Variants in PIGN observed in about 807,000 individuals in gnomAD.
The protein encoded by PIGN is GPI ethanolamine phosphate transferase 1.
PIGN carries 117 observed loss-of-function variants against 125.4 expected under a neutral mutation model. That is an observed-to-expected ratio of 0.93 (90% CI 0.80 to 1.09). PIGN has a LOEUF of 1.09. PIGN is among the 50% of genes least tolerant of loss of function. The pLI, the probability that PIGN is intolerant of heterozygous loss-of-function variation, is 0.00. For missense variants in PIGN, 1,075 were observed against 1,094.9 expected, an observed-to-expected ratio of 0.98 and a Z score of 0.26; for synonymous variants, 392 against 377.8, an observed-to-expected ratio of 1.04 and a Z score of -0.44.
Position 62,139,072 on chromosome 18 carries a change from T to C in PIGN, c.1027A>G (p.Ile343Val), listed in dbSNP as rs867584604. Residue 343 changes from isoleucine (I) to valine (V), a missense_variant, in exon 13 of 31, where the codon ATC (isoleucine) becomes GTC (valine). By Grantham distance (29) the Ile-to-Val change is conservative. Around this residue, in one of 3 missense-constraint regions of PIGN, gnomAD observed 915 missense variants for 908.7 expected, o/e 1.01. Coordinates refer to ENST00000640252, the MANE Select transcript of PIGN (RefSeq NM_176787.5). ...TTGTTAAGATAATCCACAGGAAGGA[T>C]TCCCTGAAAATAACAAACACCAGCT... ...GVPFPLNSVG[I>V]LPVDYLNNTD... is the part of the protein sequence containing the mutation. 7 of 1,590,472 alleles carry C rather than the reference T, an allele frequency of 4.4e-6. No individual in the cohort carries two copies. The highest frequency in any genetic ancestry group is 1.7e-4 in the Middle Eastern group (1 of 5,818).
intron 2 of PIGN, chr18:62,162,641 A>T (rs957213976): frequency 4.6e-5 from 7 of 152,180 alleles, no homozygotes; most frequent in Non-Finnish European, 1.0e-4. Flanking sequence ...GGTCAACTAA[A>T]TATCAAAGAT....
At chr18:62,032,948 GT>G (rs1298837002) in intron 23 of PIGN, among the ~76,000 whole-genome samples, 3 of 152,210 alleles carry the variant, frequency 2.0e-5, no homozygotes, top group Non-Finnish European at 1.5e-5. Context: ...TCAATTAAAG[GT>G]TTTGGTCACA....
At chr18:62,129,075 C>T (rs556544317) in intron 14 of PIGN, among the ~76,000 whole-genome samples, 4 of 152,250 alleles carry the variant, frequency 2.6e-5, no homozygotes, top group South Asian at 2.1e-4. Context: ...CAATTCCTTA[C>T]TCCCTTCTCT....
intron 14 of PIGN, among the ~76,000 whole-genome samples, chr18:62,133,664 T>C (rs1482000657): frequency 1.3e-5 from 2 of 152,210 alleles, no homozygotes; most frequent in African/African-American, 4.8e-5. Context: ...TTCTTTACAA[T>C]ATACATTTCT....
chr18:62,090,944 A>AC (rs2033926315), intron 23 of PIGN, among the ~76,000 whole-genome samples: 1 of 152,194 alleles, frequency 6.6e-6, no homozygotes, highest in South Asian at 2.1e-4. Context: ...AACACTCTAA[A>AC]TTTTCAAAAA....
In PIGN at chr18:62,153,231, T is replaced by C. The variant is rs1241192129; in HGVS notation, c.549+1314A>G. 2.6e-5 allele frequency among the ~76,000 whole-genome samples: 4 copies of C among 152,208 alleles called. No homozygotes were observed. In the East Asian group the frequency reaches 7.7e-4, roughly 29 times the overall value. On this transcript the variant is annotated intron_variant, in intron 7 of 30. Coordinates refer to ENST00000640252, the MANE Select transcript of PIGN (RefSeq NM_176787.5). ...CTTCCCCTAACTACCCAGCACAGAT[T>C]AGAATTTTCTGAAGATATATTCTTG...
chr18:62,111,445 G>A (rs1393947458), intron 16 of PIGN, among the ~76,000 whole-genome samples: 2 of 150,990 alleles, frequency 1.3e-5, no homozygotes, highest in East Asian at 1.9e-4. Context: ...TCCTGTTATC[G>A]TCACCCTAAA....
rs76610589 is a variant in PIGN at position 62,098,315 on chromosome 18, T to C, written c.2078-2365A>G. ...AGTAGCTTCTGACTTTTTTTCCAGA[T>C]GTGTAGCTCCAATCATAATAAACTG... On this transcript the variant is annotated intron_variant, in intron 22 of 30. Transcript: ENST00000640252. 9.6e-3 allele frequency among the ~76,000 whole-genome samples: 1,467 copies of C among 152,308 alleles called. 46 individuals carry two copies. The highest frequency in any genetic ancestry group is 0.069 in the East Asian group (357 of 5,182).
chr18:62,096,573 C>T (rs2034209751), intron 22 of PIGN, among the ~76,000 whole-genome samples: 1 of 95,036 alleles, frequency 1.1e-5, no homozygotes, highest in Non-Finnish European at 1.8e-5. Context: ...GGTACATGTG[C>T]ACATTGTGCA....
chr18:62,098,562 C>G (rs1407154290), intron 22 of PIGN, among the ~76,000 whole-genome samples: 1 of 152,156 alleles, frequency 6.6e-6, no homozygotes, highest in Non-Finnish European at 1.5e-5. Flanking sequence ...ATAAGAGTCT[C>G]TATTCTAAAT....
chr18:62,132,550 T>C (rs1372992509), intron 14 of PIGN, among the ~76,000 whole-genome samples: 3 of 152,184 alleles, frequency 2.0e-5, no homozygotes, highest in Non-Finnish European at 2.9e-5. Flanking sequence ...AATTAATAAA[T>C]TCTGATTACA....
chr18:62,021,843 C>CT (rs2030057996), intron 23 of PIGN, among the ~76,000 whole-genome samples: 1 of 152,184 alleles, frequency 6.6e-6, no homozygotes, highest in Admixed American at 6.5e-5. Flanking sequence ...AAATCAGGGT[C>CT]TCGGCTGAGC....
chr18:62,039,079 T>C (rs939652737), downstream of PIGN, among the ~76,000 whole-genome samples: 1 of 151,642 alleles, frequency 6.6e-6, no homozygotes, highest in Non-Finnish European at 1.5e-5. Flanking sequence ...TAGGGAGAAA[T>C]AACGAAAACA....
At chr18:62,165,168 A>C (rs988585807) in intron 1 of PIGN, among the ~76,000 whole-genome samples, 1 of 152,154 alleles carries the variant, frequency 6.6e-6, no homozygotes, top group Non-Finnish European at 1.5e-5. Context: ...CTTCTCAGGA[A>C]TGGGTTGTTG....
chr18:62,166,131 T>C (rs150854706), intron 1 of PIGN, among the ~76,000 whole-genome samples: 10 of 152,184 alleles, frequency 6.6e-5, no homozygotes, highest in Non-Finnish European at 4.4e-5. Flanking sequence ...GGGGATGGAA[T>C]GGAGAGCACA....
intron 12 of PIGN, 42 bp downstream of exon 12, chr18:62,140,378 T>C: frequency 1.1e-6 from 1 of 928,166 alleles, no homozygotes; most frequent in Non-Finnish European, 1.7e-6. Context: ...TGCGATAGTT[T>C]TTTTTTATAC....
At chr18:62,093,443 T>C (rs1331826227) in intron 23 of PIGN, among the ~76,000 whole-genome samples, 1 of 152,040 alleles carries the variant, frequency 6.6e-6, no homozygotes, top group Admixed American at 6.5e-5. Context: ...AATGAAAACT[T>C]ACTAAATTAG....
chr18:62,109,744 T>C lies in PIGN; in HGVS notation c.1574+90A>G, dbSNP rs1484366540. The C allele has an allele frequency of 4.6e-6, 5 of 1,083,340 alleles. No homozygotes were observed. In the African/African-American group the frequency reaches 7.9e-5, roughly 17 times the overall value. The allele number at this position is 1,083,340 out of a possible 1,614,324, so 67.1% of individuals were successfully genotyped here. On this transcript the variant is annotated intron_variant, in intron 17 of 30. Coordinates refer to ENST00000640252, the MANE Select transcript of PIGN (RefSeq NM_176787.5). ...AGTACAGTATTATAAATATATTTGA[T>C]GACTTATGGTACAGAAATCTACTGC... is the stretch of plus-strand genomic sequence containing the variant.
Position 62,161,305 on chromosome 18 carries a change from C to T in PIGN, c.49G>A (p.Ala17Thr), listed in dbSNP as rs373378832. 9.3e-6 allele frequency: 15 copies of T among 1,612,980 alleles called. No individual in the cohort carries two copies. The highest frequency in any genetic ancestry group is 1.6e-4 in the Middle Eastern group (1 of 6,080). The change falls in exon 4 of 31, where the codon GCC (alanine) becomes ACC (threonine). Residue 17 changes from alanine (A) to threonine (T), a missense_variant. Ala to Thr is a moderately conservative substitution (Grantham distance 58, BLOSUM62 0). Transcript: ENST00000640252. ...GTAAAATAAATGTCAAAGATGGAGG[C>T]GAAGAACACAAAATGTATAAGCAAT... ...LGLLIHFVFF[A>T]SIFDIYFTSP...
Sources: allele counts gnomAD v4.1 joint callset (sites outside exome capture counted in the v4.1 genomes callset), GRCh38; gene constraint gnomAD v4.1.1; regional missense constraint gnomAD v4.1.1; transcripts MANE v1.5; gene names NCBI Gene and HGNC (gene_info 2026-07-23, HGNC 2026-07-21).